OGFOD1: variants seen among roughly 807,000 people sequenced by gnomAD.
OGFOD1 encodes the protein prolyl 3-hydroxylase OGFOD1.
Under a neutral mutation model 67.7 loss-of-function variants are expected in OGFOD1, and 54 were observed. The ratio of observed to expected loss-of-function variants is 0.80; its 90% confidence interval spans 0.64 to 1.00. The LOEUF (loss-of-function observed/expected upper bound fraction) is 1.00. OGFOD1 is among the 50% of genes least tolerant of loss of function. The probability of loss-of-function intolerance (pLI) is 0.00; values close to 1 mark genes in which losing one functional copy is unlikely to be tolerated. For missense variants in OGFOD1, 606 were observed against 646.7 expected (o/e 0.94, Z 0.68); for synonymous variants, 221 against 227.0 (o/e 0.97, Z 0.24).
At chr16:56,468,768 C>G (rs79326754) in intron 8 of OGFOD1, among the ~76,000 whole-genome samples, 5,990 of 152,080 alleles carry the variant, frequency 0.039, 147 homozygotes, top group East Asian at 0.13. Context: ...TTCTCATGCC[C>G]TGGCTCTGTG....
intron 4 of OGFOD1, among the ~76,000 whole-genome samples, chr16:56,464,460 T>A (rs1962827629): frequency 6.6e-6 from 1 of 152,246 alleles, no homozygotes; most frequent in South Asian, 2.1e-4. Context: ...CTTGCTAAAT[T>A]ATTACCATGA....
Position 56,451,567 on chromosome 16 carries a change from G to C in OGFOD1, c.-46G>C. 1 of 1,605,840 alleles carries C rather than the reference G, an allele frequency of 6.2e-7. No homozygotes were observed. Among genetic ancestry groups the C allele is most frequent in the South Asian group, 1.1e-5 (1 of 90,750 alleles). The stretch of plus-strand genomic sequence containing the variant: ...CCGGGAGTTGCAGTACCCTCAGGAA[G>C]GTAGCGTCTTGATCTGCGTGGCGTG... On this transcript the variant is annotated 5_prime_UTR_variant, in exon 1 of 13. Transcript: ENST00000566157.
Position 56,476,488 on chromosome 16 carries a change from T to G in OGFOD1, c.*283T>G, listed in dbSNP as rs1963483354. 4.2e-6 allele frequency: 1 copy of G among 240,566 alleles called. No homozygotes were observed. The highest frequency in any genetic ancestry group is 2.3e-5 in the African/African-American group (1 of 44,298). 14.9% of individuals were successfully genotyped at this position (240,566 alleles called of 1,614,324 possible). A position where few individuals can be genotyped will look rare whatever the true frequency, so the allele number is the denominator to read the frequency against. On this transcript the variant is annotated 3_prime_UTR_variant, in exon 13 of 13. Transcript: ENST00000566157. ...CTTCAGTGAATTTTTAAGTTCAATT[T>G]GTTTTTATTGAGGTAAAATATTTAT...
At position 56,451,565 on chromosome 16, in the gene OGFOD1, A is replaced by G; in HGVS notation, c.-48A>G. On this transcript the variant is annotated 5_prime_UTR_variant, in exon 1 of 13. Transcript: ENST00000566157. ...TGCCGGGAGTTGCAGTACCCTCAGG[A>G]AGGTAGCGTCTTGATCTGCGTGGCG... is the stretch of plus-strand genomic sequence containing the variant. 1 of 1,604,402 alleles carries G rather than the reference A, an allele frequency of 6.2e-7. No homozygotes were observed.
chr16:56,458,926 A>T (rs1962619714), intron 3 of OGFOD1: 1 of 325,540 alleles, frequency 3.1e-6, no homozygotes. Flanking sequence ...CCTAGTGTTG[A>T]CAGATATAGA....
chr16:56,458,632 G>C, intron 3 of OGFOD1, 38 bp downstream of exon 3: 1 of 1,519,070 alleles, frequency 6.6e-7, no homozygotes, highest in African/African-American at 1.4e-5. Context: ...GCTAATATGT[G>C]CCAGGCAGAG....
chr16:56,470,641 A>T lies in OGFOD1; in HGVS notation c.1135A>T (p.Lys379Ter), dbSNP rs548980919. The T allele has an allele frequency of 6.2e-6, 10 of 1,614,162 alleles. No individual in the cohort carries two copies. The highest frequency in any genetic ancestry group is 8.5e-6 in the Non-Finnish European group (10 of 1,180,010). ...APSEEDEMND[K>*]KEAETTDITE... ...TTCGGAAGAAGATGAGATGAATGAT[A>T]AAAAAGAGGCAGAAACCACTGATAT... Residue 379 changes from lysine to a stop codon, truncating the protein, a stop_gained, in exon 10 of 13, where the codon AAA becomes TAA. Transcript: ENST00000566157. LOFTEE classifies it high-confidence loss of function.
chr16:56,478,130 C>T lies in OGFOD1; in HGVS notation c.*1925C>T, dbSNP rs1196526804. Reference sequence around the variant, plus strand: ...CTTCCCCTATGCATATGGTAACGAACCATTTTACACCATACTATTTTGGAG... The same window carrying T: ...CTTCCCCTATGCATATGGTAACGAATCATTTTACACCATACTATTTTGGAG... On this transcript the variant is annotated 3_prime_UTR_variant, in exon 13 of 13. Transcript: ENST00000566157. The T allele has an allele frequency of 1.3e-5, 2 of 152,046 alleles. No homozygotes were observed. The highest frequency in any genetic ancestry group is 4.8e-5 in the African/African-American group (2 of 41,384). 9.4% of individuals were successfully genotyped at this position (152,046 alleles called of 1,614,324 possible).
At chr16:56,470,274 C>T in intron 9 of OGFOD1, 192 bp downstream of exon 9, 1 of 657,446 alleles carries the variant, frequency 1.5e-6, no homozygotes, top group South Asian at 2.0e-5. Context: ...AATAATAGGA[C>T]ACTTGCCCTA....
At chr16:56,459,294 C>A (rs907618076) in intron 3 of OGFOD1, among the ~76,000 whole-genome samples, 1 of 150,780 alleles carries the variant, frequency 6.6e-6, no homozygotes, top group African/African-American at 2.4e-5. Flanking sequence ...GAGCCGAGAT[C>A]GAGCCCGTTG....
At chr16:56,466,776 C>A in intron 5 of OGFOD1, 100 bp from the exon 6 acceptor site, 1 of 837,156 alleles carries the variant, frequency 1.2e-6, no homozygotes, top group Non-Finnish European at 2.0e-6. Flanking sequence ...CTGAAGGGCA[C>A]ATCTAGATGC....
At chr16:56,474,558 G>A (rs1375393908) in intron 10 of OGFOD1, among the ~76,000 whole-genome samples, 1 of 151,988 alleles carries the variant, frequency 6.6e-6, no homozygotes, top group East Asian at 1.9e-4. Flanking sequence ...GACCTCAGGT[G>A]ATCTGCCCAC....
chr16:56,461,050 AAC>A (rs2143990668), intron 3 of OGFOD1, among the ~76,000 whole-genome samples: 1 of 152,366 alleles, frequency 6.6e-6, no homozygotes, highest in Admixed American at 6.5e-5. Flanking sequence ...CATTTAATTC[AAC>A]ACTCATCATT....
chr16:56,454,493 CTTTTT>C (rs77913439), intron 2 of OGFOD1, among the ~76,000 whole-genome samples: 3 of 136,636 alleles, frequency 2.2e-5, no homozygotes, highest in African/African-American at 8.1e-5. Context: ...AAGACTATCT[CTTTTT>C]TTTTTTTTTT....
At chr16:56,462,383 A>G in intron 3 of OGFOD1, 151 bp from the exon 4 acceptor site, 1 of 585,888 alleles carries the variant, frequency 1.7e-6, no homozygotes, top group Middle Eastern at 4.6e-4. Flanking sequence ...ACTGAGAAAC[A>G]TTTCTCAGAA....
chr16:56,454,790 G>T, intron 2 of OGFOD1: 1 of 448,170 alleles, frequency 2.2e-6, no homozygotes, highest in Non-Finnish European at 4.5e-6. Flanking sequence ...TTGGTCAGAT[G>T]GTTGTATCCT....
intron 8 of OGFOD1, among the ~76,000 whole-genome samples, chr16:56,469,299 T>C (rs2144025310): frequency 6.6e-6 from 1 of 152,336 alleles, no homozygotes; most frequent in Admixed American, 6.5e-5. Flanking sequence ...TATACAGAGA[T>C]TGTCACGGTA....
chr16:56,462,138 C>T lies in OGFOD1; in HGVS notation c.348-396C>T, dbSNP rs573809680. On this transcript the variant is annotated intron_variant, in intron 3 of 12. Transcript: ENST00000566157. Reference sequence around the variant, plus strand: ...AAGAAAAGAAAAACAGTTGAGCTTTCCATTTTAGTGCTGAAAAACTTGTCT... The same window carrying T: ...AAGAAAAGAAAAACAGTTGAGCTTTTCATTTTAGTGCTGAAAAACTTGTCT... Among the ~76,000 whole-genome samples, 4 of 151,932 alleles carry T rather than the reference C, an allele frequency of 2.6e-5. No homozygotes were observed. In the East Asian group the frequency reaches 5.8e-4, roughly 22 times the overall value.
chr16:56,466,359 G>A, intron 5 of OGFOD1, 91 bp downstream of exon 5: 1 of 788,960 alleles, frequency 1.3e-6, no homozygotes, highest in Non-Finnish European at 2.2e-6. Context: ...TGTATACAAT[G>A]TCTGTACTCC....
Sources: allele counts gnomAD v4.1 joint callset (sites outside exome capture counted in the v4.1 genomes callset), GRCh38; gene constraint gnomAD v4.1.1; transcripts MANE v1.5; gene names NCBI Gene and HGNC (gene_info 2026-07-23, HGNC 2026-07-21).